The following MACROH2A2 variants were observed in gnomAD, a reference collection of about 807,000 sequenced individuals.
MACROH2A2 encodes macroH2A.2 histone.
MACROH2A2 carries 6 observed loss-of-function variants against 37.6 expected under a neutral mutation model. That is an observed-to-expected ratio of 0.16 (90% CI 0.09 to 0.32). The LOEUF (loss-of-function observed/expected upper bound fraction) is 0.32. MACROH2A2 is among the 10% of genes least tolerant of loss of function. The probability of loss-of-function intolerance (pLI) is 1.00; values close to 1 mark genes in which losing one functional copy is unlikely to be tolerated. For synonymous variants in MACROH2A2, 192 were observed against 202.7 expected (o/e 0.95, Z 0.45); for missense variants, 290 against 485.9 (o/e 0.60, Z 3.79).
chr10:70,093,380 G>A (rs1192501049), intron 4 of MACROH2A2, among the ~76,000 whole-genome samples: 2 of 152,072 alleles, frequency 1.3e-5, no homozygotes, highest in African/African-American at 4.8e-5. Flanking sequence ...GAAATCCTGG[G>A]GAGAAAGAAG....
chr10:70,066,673 C>T (rs368468584), intron 1 of MACROH2A2, among the ~76,000 whole-genome samples: 121 of 152,288 alleles, frequency 7.9e-4, no homozygotes, highest in African/African-American at 2.5e-3. Context: ...ATATGGTCCA[C>T]GTTCCTATTT....
chr10:70,099,624 G>A (rs1395163406), intron 6 of MACROH2A2: 3 of 151,940 alleles, frequency 2.0e-5, no homozygotes, highest in Non-Finnish European at 4.4e-5. Context: ...CTTGGCCTGT[G>A]TAGAAGTAAG....
At chr10:70,074,768 T>C (rs1240939979) in intron 1 of MACROH2A2, among the ~76,000 whole-genome samples, 1 of 152,172 alleles carries the variant, frequency 6.6e-6, no homozygotes, top group Non-Finnish European at 1.5e-5. Flanking sequence ...CACCTTCCAC[T>C]ATGATTGTGA....
At chr10:70,090,579 T>C (rs7901338) in intron 3 of MACROH2A2, among the ~76,000 whole-genome samples, 63,210 of 152,108 alleles carry the variant, frequency 0.42, 13,919 homozygotes, top group African/African-American at 0.55. Context: ...AATACCCCCT[T>C]TTCACCTACA....
chr10:70,073,184 G>A (rs1388917047), intron 1 of MACROH2A2, among the ~76,000 whole-genome samples: 1 of 152,198 alleles, frequency 6.6e-6, no homozygotes, highest in Non-Finnish European at 1.5e-5. Context: ...GCAAACACGT[G>A]CTATGTGAGG....
intron 4 of MACROH2A2, among the ~76,000 whole-genome samples, 166 bp downstream of exon 4, chr10:70,092,120 G>C (rs1331219184): frequency 6.6e-6 from 1 of 152,184 alleles, no homozygotes; most frequent in Non-Finnish European, 1.5e-5. Flanking sequence ...TCACGAATGG[G>C]AACAGTCCCC....
Position 70,091,786 on chromosome 10 carries a change from A to G in MACROH2A2, c.309A>G (p.Gly103=), listed in dbSNP as rs1273221460. 1 of 1,613,744 alleles carries G rather than the reference A, an allele frequency of 6.2e-7. No homozygotes were observed. The highest frequency in any genetic ancestry group is 8.5e-7 in the Non-Finnish European group (1 of 1,179,938). Residue 103 remains glycine (G), a synonymous_variant, in exon 4 of 9, where the codon GGA becomes GGG. Transcript: ENST00000373255. ...QLLKGVTIAS[G]GVLPRIHPEL... ...TAAAAGGAGTGACCATCGCCAGTGG[A>G]GGCGTCCTGCCCAGAATTCACCCCG...
intron 6 of MACROH2A2, chr10:70,098,335 GGAGA>G (rs140785283): frequency 0.078 from 11,199 of 144,050 alleles, 583 homozygotes; most frequent in East Asian, 0.21. Context: ...AGAGGCAGAG[GGAGA>G]GAGAGAGAGA....
chr10:70,100,329 A>G (rs1192476683), intron 7 of MACROH2A2, 32 bp downstream of exon 7: 1 of 1,219,104 alleles, frequency 8.2e-7, no homozygotes, highest in East Asian at 2.4e-5. Flanking sequence ...TGTCACCAGC[A>G]TGGCCTCACC....
At position 70,107,095 on chromosome 10, in the gene MACROH2A2, C is replaced by T. The variant is rs1050880508; in HGVS notation, c.779-1938C>T. Among the ~76,000 whole-genome samples, 1 of 152,162 alleles carries T rather than the reference C, an allele frequency of 6.6e-6. No homozygotes were observed. The highest frequency in any genetic ancestry group is 1.5e-5 in the Non-Finnish European group (1 of 68,042). The stretch of plus-strand genomic sequence containing the variant: ...AATATACGTGGTCGTAGAGTCAGCA[C>T]GCATGGCGGGCCCCTACCCAGGGCC... On this transcript the variant is annotated intron_variant, in intron 7 of 8. Transcript: ENST00000373255. The surrounding 1 kb of genome is among the most constrained non-coding windows in gnomAD (Gnocchi z 4.4).
intron 1 of MACROH2A2, among the ~76,000 whole-genome samples, chr10:70,063,857 A>C (rs1288500311): frequency 1.3e-5 from 2 of 152,256 alleles, no homozygotes; most frequent in African/African-American, 2.4e-5. Flanking sequence ...ACATAAGAAC[A>C]TATGCACGTC....
At chr10:70,090,785 ATTT>A (rs1337521127) in intron 3 of MACROH2A2, among the ~76,000 whole-genome samples, 2 of 152,198 alleles carry the variant, frequency 1.3e-5, no homozygotes, top group Non-Finnish European at 2.9e-5. Context: ...ACAAGCCATA[ATTT>A]TTTGTTATCA....
intron 1 of MACROH2A2, among the ~76,000 whole-genome samples, chr10:70,066,038 G>T (rs1394948086): frequency 6.6e-6 from 1 of 152,216 alleles, no homozygotes; most frequent in Non-Finnish European, 1.5e-5. Flanking sequence ...AGATGTGGTG[G>T]CTTATGCCTT....
chr10:70,105,559 G>A (rs2072332574), intron 7 of MACROH2A2, among the ~76,000 whole-genome samples: 1 of 152,182 alleles, frequency 6.6e-6, no homozygotes, highest in Admixed American at 6.5e-5. Context: ...GAGAGGGGCC[G>A]ACCATGAAGG....
intron 7 of MACROH2A2, among the ~76,000 whole-genome samples, chr10:70,103,056 G>A (rs982812572): frequency 7.2e-5 from 11 of 152,244 alleles, no homozygotes; most frequent in African/African-American, 2.4e-4. Context: ...AGACTCTCGC[G>A]GCCTTTACAA....
At chr10:70,104,867 A>G (rs1483236897) in intron 7 of MACROH2A2, among the ~76,000 whole-genome samples, 4 of 152,250 alleles carry the variant, frequency 2.6e-5, no homozygotes, top group Non-Finnish European at 5.9e-5. Context: ...CAGCAGTTCT[A>G]AGATGCTTCC....
In MACROH2A2 at chr10:70,111,605, G is replaced by A. The variant is rs2136646953; in HGVS notation, c.1041G>A (p.Lys347=). 1 of 1,613,826 alleles carries A rather than the reference G, an allele frequency of 6.2e-7. No homozygotes were observed. Among genetic ancestry groups the A allele is most frequent in the Non-Finnish European group, 8.5e-7 (1 of 1,179,894 alleles). Residue 347 remains lysine (K), a synonymous_variant, in exon 9 of 9, where the codon AAG becomes AAA. Coordinates refer to ENST00000373255, the MANE Select transcript of MACROH2A2 (RefSeq NM_018649.3). The stretch of plus-strand genomic sequence containing the variant: ...ATGACTCGAGCGCGTCCTCGCTGAA[G>A]AACGTGTACTTCCTGCTCTTCGACA... ...HFDDSSASSL[K]NVYFLLFDSE... is the part of the protein sequence containing the mutation.
At position 70,075,924 on chromosome 10, in the gene MACROH2A2, C is replaced by A; in HGVS notation, c.172+94C>A. The A allele has an allele frequency of 2.7e-6, 3 of 1,092,670 alleles. No individual in the cohort carries two copies. Among genetic ancestry groups the A allele is most frequent in the Non-Finnish European group, 4.0e-6 (3 of 752,072 alleles). 67.7% of individuals were successfully genotyped at this position (1,092,670 alleles called of 1,614,324 possible). A position where few individuals can be genotyped will look rare whatever the true frequency, so the allele number is the denominator to read the frequency against. On this transcript the variant is annotated intron_variant, in intron 2 of 8. Coordinates refer to ENST00000373255, the MANE Select transcript of MACROH2A2 (RefSeq NM_018649.3). The surrounding 1 kb of genome is among the most constrained non-coding windows in gnomAD (Gnocchi z 5.0). ...GCTGGGGAGGGATGCTCCAAATTGC[C>A]TTTTGGCTGGCTCAAGGCTACTGTG...
chr10:70,093,562 T>G (rs577157357), intron 4 of MACROH2A2, among the ~76,000 whole-genome samples, 173 bp from the exon 5 acceptor site: 1 of 152,352 alleles, frequency 6.6e-6, no homozygotes, highest in South Asian at 2.1e-4. Flanking sequence ...GGTACCCTTT[T>G]CTTTCCTTAT....
Sources: allele counts gnomAD v4.1 joint callset (sites outside exome capture counted in the v4.1 genomes callset), GRCh38; gene constraint gnomAD v4.1.1; non-coding constraint Gnocchi (gnomAD v3.1); transcripts MANE v1.5; gene names NCBI Gene and HGNC (gene_info 2026-07-23, HGNC 2026-07-21).